Variants in LASP1 observed in about 807,000 individuals in gnomAD.
LASP1 encodes the protein LIM and SH3 domain protein 1.
In LASP1, 10 loss-of-function variants were observed where a neutral mutation model predicts 38.6. That is an observed-to-expected ratio of 0.26 (90% confidence interval 0.16 to 0.44). The LOEUF is 0.44. LASP1 is among the 20% of genes least tolerant of loss of function. The pLI is 1.00. For missense variants in LASP1, 243 were observed against 375.7 expected (o/e 0.65, Z 2.92); for synonymous variants, 132 against 140.8 (o/e 0.94, Z 0.44).
intron 4 of LASP1, among the ~76,000 whole-genome samples, chr17:38,908,236 TC>T (rs1227361098): frequency 6.6e-6 from 1 of 152,232 alleles, no homozygotes; most frequent in African/African-American, 2.4e-5. Context: ...TGTCTGCACT[TC>T]CCTCCCTGGT....
At chr17:38,892,010 G>C (rs539488934) in intron 3 of LASP1, among the ~76,000 whole-genome samples, 1 of 152,204 alleles carries the variant, frequency 6.6e-6, no homozygotes, top group East Asian at 1.9e-4. Context: ...TATCACTTGA[G>C]CTGAGGAGTT....
At chr17:38,915,508 G>A (rs575510485) in intron 6 of LASP1, 141 of 176,312 alleles carry the variant, frequency 8.0e-4, no homozygotes, top group African/African-American at 3.2e-3. Context: ...CAGCTCTCAG[G>A]CTGCCCCTGC....
intron 2 of LASP1, among the ~76,000 whole-genome samples, chr17:38,886,427 G>T (rs1914140124): frequency 6.6e-6 from 1 of 152,152 alleles, no homozygotes; most frequent in Non-Finnish European, 1.5e-5. Context: ...GGAGGCTCTG[G>T]AGTGCCTCTT....
chr17:38,908,980 C>T (rs777071582), intron 4 of LASP1, among the ~76,000 whole-genome samples: 5 of 152,204 alleles, frequency 3.3e-5, no homozygotes, highest in Non-Finnish European at 7.3e-5. Flanking sequence ...GGTTTTGCCT[C>T]TCCTCCTCTT....
At position 38,890,302 on chromosome 17, in the gene LASP1, G is replaced by A. The variant is rs542348428; in HGVS notation, c.165-118G>A. The stretch of plus-strand genomic sequence containing the variant: ...GACACTGAAGTCCTCCTGTGGGGCC[G>A]GGCCAGGGCGTGCCCAAGCATAGGA... On this transcript the variant is annotated intron_variant, in intron 2 of 6. Transcript: ENST00000318008. 237 of 860,516 alleles carry A rather than the reference G, an allele frequency of 2.8e-4. 1 individual carries two copies. Among genetic ancestry groups the A allele is most frequent in the South Asian group, 2.6e-3 (172 of 65,664 alleles). The allele number at this position is 860,516 out of a possible 1,614,324, so 53.3% of individuals were successfully genotyped here.
In LASP1 at chr17:38,918,971, T is replaced by G; in HGVS notation, c.*193T>G. On this transcript the variant is annotated 3_prime_UTR_variant, in exon 7 of 7. Coordinates refer to ENST00000318008, the MANE Select transcript of LASP1 (RefSeq NM_006148.4). The surrounding 1 kb of genome is among the most constrained non-coding windows in gnomAD (Gnocchi z 4.4). ...TGCGGGCTCCCTCCTCTGGCAGGCT[T>G]CCCCCTTGATCGACTTCTTGGTTTT... is the stretch of plus-strand genomic sequence containing the variant. 2 of 638,310 alleles carry G rather than the reference T, an allele frequency of 3.1e-6. No homozygotes were observed. The allele number at this position is 638,310 out of a possible 1,614,324, so 39.5% of individuals were successfully genotyped here.
chr17:38,880,757 T>A (rs1229394104), intron 2 of LASP1, among the ~76,000 whole-genome samples: 1 of 152,204 alleles, frequency 6.6e-6, no homozygotes, highest in African/African-American at 2.4e-5. Flanking sequence ...GGCGCCCGCT[T>A]GCAAGGAGTG....
At position 38,920,262 on chromosome 17, in the gene LASP1, A is replaced by G. The variant is rs1216178467; in HGVS notation, c.*1484A>G. The G allele has an allele frequency of 4.7e-6, 2 of 426,592 alleles. No individual in the cohort carries two copies. Among genetic ancestry groups the G allele is most frequent in the Non-Finnish European group, 9.0e-6 (2 of 221,270 alleles). 26.4% of individuals were successfully genotyped at this position (426,592 alleles called of 1,614,324 possible). A position where few individuals can be genotyped will look rare whatever the true frequency, so the allele number is the denominator to read the frequency against. ...TACAGAATAGGGTGGCAGAAGTGTC[A>G]CCCTGTGGGTGTCTCCCTCGGGGGC... is the stretch of plus-strand genomic sequence containing the variant. On this transcript the variant is annotated 3_prime_UTR_variant, in exon 7 of 7. Coordinates refer to ENST00000318008, the MANE Select transcript of LASP1 (RefSeq NM_006148.4).
chr17:38,901,605 A>G (rs1198031997), intron 4 of LASP1, among the ~76,000 whole-genome samples: 1 of 152,018 alleles, frequency 6.6e-6, no homozygotes, highest in Admixed American at 6.6e-5. Context: ...CGTCTCTGGG[A>G]GTGGGGCCCA....
intron 2 of LASP1, among the ~76,000 whole-genome samples, chr17:38,878,572 T>C (rs901181007): frequency 1.3e-5 from 2 of 152,102 alleles, no homozygotes; most frequent in Non-Finnish European, 2.9e-5. Context: ...GACGTGTCTG[T>C]TGTATTTGGG....
At chr17:38,893,740 C>T (rs1408460759) in intron 3 of LASP1, among the ~76,000 whole-genome samples, 1 of 152,172 alleles carries the variant, frequency 6.6e-6, no homozygotes, top group Non-Finnish European at 1.5e-5. Flanking sequence ...GGGGCTGGGC[C>T]TGATGCTTTG....
At chr17:38,908,739 C>T (rs1022044222) in intron 4 of LASP1, among the ~76,000 whole-genome samples, 2 of 152,236 alleles carry the variant, frequency 1.3e-5, no homozygotes, top group African/African-American at 2.4e-5. Flanking sequence ...GCCCCCAGCC[C>T]GGGCTGCAGG....
chr17:38,885,446 C>G (rs145868697), intron 2 of LASP1, among the ~76,000 whole-genome samples: 80 of 152,336 alleles, frequency 5.3e-4, no homozygotes, highest in African/African-American at 1.8e-3. Flanking sequence ...AGTCCCTGTT[C>G]CTGCCCCGCT....
chr17:38,897,683 G>A (rs1168291272), intron 3 of LASP1, among the ~76,000 whole-genome samples: 1 of 152,172 alleles, frequency 6.6e-6, no homozygotes, highest in East Asian at 1.9e-4. Flanking sequence ...CTGAGATGCT[G>A]TCTGACCCCC....
intron 3 of LASP1, chr17:38,896,859 C>A: frequency 1.0e-6 from 1 of 957,902 alleles, no homozygotes; most frequent in Non-Finnish European, 1.2e-6. Context: ...TAAGAAGCCC[C>A]CTCCCCATAT....
At chr17:38,890,184 G>A in intron 2 of LASP1, 1 of 530,626 alleles carries the variant, frequency 1.9e-6, no homozygotes, top group South Asian at 2.2e-5. Flanking sequence ...GTTCTCCTTG[G>A]CTGGCCCATC....
chr17:38,878,844 T>C (rs1482589179), intron 2 of LASP1, among the ~76,000 whole-genome samples: 2 of 152,142 alleles, frequency 1.3e-5, no homozygotes, highest in Non-Finnish European at 2.9e-5. Flanking sequence ...CTTTTGAGTA[T>C]AGTCATCTTG....
At chr17:38,899,307 G>T (rs928165762) in intron 4 of LASP1, 2 of 162,056 alleles carry the variant, frequency 1.2e-5, no homozygotes, top group African/African-American at 4.8e-5. Context: ...GCCAGGGAGG[G>T]TTTAGGCAGG....
chr17:38,885,883 G>A (rs528225684), intron 2 of LASP1, among the ~76,000 whole-genome samples: 2 of 152,194 alleles, frequency 1.3e-5, no homozygotes, highest in Non-Finnish European at 2.9e-5. Flanking sequence ...TTTGAAGCCC[G>A]GCATGCTGGT....
Sources: allele counts gnomAD v4.1 joint callset (sites outside exome capture counted in the v4.1 genomes callset), GRCh38; gene constraint gnomAD v4.1.1; non-coding constraint Gnocchi (gnomAD v3.1); transcripts MANE v1.5; gene names NCBI Gene and HGNC (gene_info 2026-07-23, HGNC 2026-07-21).